The following SLC1A2 variants were observed in gnomAD, a reference collection of about 807,000 sequenced individuals.
SLC1A2 encodes the protein solute carrier family 1 member 2.
In SLC1A2, 15 loss-of-function variants were observed where a neutral mutation model predicts 48.8. That is an observed-to-expected ratio of 0.31 (90% CI 0.21 to 0.47). The LOEUF (loss-of-function observed/expected upper bound fraction) is 0.47. Among genes scored for constraint, SLC1A2 ranks in the 20% least tolerant of loss-of-function variants. The probability of loss-of-function intolerance (pLI) is 0.99; values close to 1 mark genes in which losing one functional copy is unlikely to be tolerated. For missense variants in SLC1A2, 502 were observed against 730.5 expected, an observed-to-expected ratio of 0.69 and a Z score of 3.61; for synonymous variants, 279 against 272.6, an observed-to-expected ratio of 1.02 and a Z score of -0.23.
chr11:35,287,742 A>G (rs767383408), intron 7 of SLC1A2, among the ~76,000 whole-genome samples: 12 of 152,364 alleles, frequency 7.9e-5, no homozygotes, highest in Admixed American at 2.6e-4. Context: ...ATATGTCTTC[A>G]AAATTGGAGA....
chr11:35,335,211 AC>A (rs1852584946), intron 1 of SLC1A2, among the ~76,000 whole-genome samples: 2 of 152,200 alleles, frequency 1.3e-5, no homozygotes, highest in South Asian at 4.2e-4. Context: ...GTATTTTGCC[AC>A]TCTCAAGCAA....
intron 2 of SLC1A2, chr11:35,315,506 A>G (rs934569594): frequency 1.7e-5 from 4 of 236,296 alleles, no homozygotes; most frequent in African/African-American, 6.6e-5. Context: ...GAAATAAACT[A>G]TAAGGGGCTG....
intron 1 of SLC1A2, among the ~76,000 whole-genome samples, chr11:35,361,996 T>C (rs990445644): frequency 2.6e-5 from 4 of 152,110 alleles, no homozygotes; most frequent in Non-Finnish European, 5.9e-5. Flanking sequence ...AAATAAATAA[T>C]TAAAGACTTT....
chr11:35,281,371 C>T (rs1229182022), intron 8 of SLC1A2, among the ~76,000 whole-genome samples: 2 of 152,194 alleles, frequency 1.3e-5, no homozygotes, highest in Non-Finnish European at 2.9e-5. Flanking sequence ...GGGAACACAA[C>T]TGCATTCATT....
At chr11:35,352,310 G>C (rs1853290579) in intron 1 of SLC1A2, 1 of 152,218 alleles carries the variant, frequency 6.6e-6, no homozygotes, top group African/African-American at 2.4e-5. Context: ...GATGTTGAGT[G>C]AAGAATGTCA....
chr11:35,382,045 T>C (rs533121431), intron 1 of SLC1A2, among the ~76,000 whole-genome samples: 17 of 152,196 alleles, frequency 1.1e-4, no homozygotes, highest in Non-Finnish European at 2.1e-4. Flanking sequence ...GAAGCAGGTA[T>C]GATAACATGC....
chr11:35,333,365 T>C (rs953963727), intron 1 of SLC1A2, among the ~76,000 whole-genome samples: 1 of 148,258 alleles, frequency 6.7e-6, no homozygotes, highest in South Asian at 2.1e-4. Context: ...AGCAGTGAGC[T>C]AAGATGGCAC....
intron 1 of SLC1A2, among the ~76,000 whole-genome samples, chr11:35,393,011 G>C (rs1854830991): frequency 6.6e-6 from 1 of 152,158 alleles, no homozygotes; most frequent in Non-Finnish European, 1.5e-5. Flanking sequence ...TCCAAGATAG[G>C]TGCTATCATA....
At chr11:35,342,581 A>G (rs1852879731) in intron 1 of SLC1A2, among the ~76,000 whole-genome samples, 1 of 151,816 alleles carries the variant, frequency 6.6e-6, no homozygotes, top group African/African-American at 2.4e-5. Context: ...AAGGAGCCAC[A>G]GCATAATAAT....
intron 1 of SLC1A2, among the ~76,000 whole-genome samples, chr11:35,341,441 C>T (rs748244729): frequency 1.3e-5 from 2 of 152,168 alleles, no homozygotes; most frequent in Admixed American, 6.5e-5. Context: ...TGTTAAAAAC[C>T]TAATAAGGTG....
intron 5 of SLC1A2, 58 bp downstream of exon 5, chr11:35,306,016 T>G: frequency 6.6e-7 from 1 of 1,524,566 alleles, no homozygotes; most frequent in Non-Finnish European, 9.0e-7. Context: ...GAAAAGGGAG[T>G]GCAGGATAGC....
intron 1 of SLC1A2, among the ~76,000 whole-genome samples, chr11:35,389,465 CTTA>C (rs1565296642): frequency 6.6e-6 from 1 of 151,342 alleles, no homozygotes; most frequent in South Asian, 2.1e-4. Context: ...TCTTCTTCTT[CTTA>C]TTATTATTTT....
chr11:35,279,490 C>T (rs948675984), intron 9 of SLC1A2, among the ~76,000 whole-genome samples: 1 of 152,192 alleles, frequency 6.6e-6, no homozygotes, highest in Non-Finnish European at 1.5e-5. Flanking sequence ...AGTACCAGAC[C>T]ACTTGTACAT....
chr11:35,376,971 C>G (rs1460245283), intron 1 of SLC1A2, among the ~76,000 whole-genome samples: 1 of 152,208 alleles, frequency 6.6e-6, no homozygotes, highest in African/African-American at 2.4e-5. Context: ...TCCAGAAATG[C>G]AGCTGGTACT....
At chr11:35,392,684 T>C (rs1854820134) in intron 1 of SLC1A2, among the ~76,000 whole-genome samples, 1 of 152,156 alleles carries the variant, frequency 6.6e-6, no homozygotes, top group Non-Finnish European at 1.5e-5. Context: ...TGGAGGGTCT[T>C]GGGAAAACTG....
At chr11:35,263,425 G>A (rs1320826792) in intron 10 of SLC1A2, among the ~76,000 whole-genome samples, 1 of 152,062 alleles carries the variant, frequency 6.6e-6, no homozygotes, top group Non-Finnish European at 1.5e-5. Flanking sequence ...CCGAGAGCAC[G>A]CCATTGCACT....
At chr11:35,309,495 T>A (rs768267011) in intron 4 of SLC1A2, among the ~76,000 whole-genome samples, 2 of 152,190 alleles carry the variant, frequency 1.3e-5, no homozygotes, top group Non-Finnish European at 2.9e-5. Context: ...TGGTTCAAAG[T>A]AAGCCCCAGA....
chr11:35,298,194 TTAAG>T (rs1398348279), intron 6 of SLC1A2: 6 of 152,220 alleles, frequency 3.9e-5, no homozygotes, highest in African/African-American at 1.4e-4. Context: ...TGGAATAATA[TTAAG>T]TATTTAGCAG....
At chr11:35,385,367 C>T (rs902703358) in intron 1 of SLC1A2, among the ~76,000 whole-genome samples, 1 of 152,188 alleles carries the variant, frequency 6.6e-6, no homozygotes, top group Admixed American at 6.5e-5. Flanking sequence ...ATATTATCTC[C>T]CTTTTACCAG....
Sources: allele counts gnomAD v4.1 joint callset (sites outside exome capture counted in the v4.1 genomes callset), GRCh38; gene constraint gnomAD v4.1.1; transcripts MANE v1.5; gene names NCBI Gene and HGNC (gene_info 2026-07-23, HGNC 2026-07-21).